PDE5A: variants seen among roughly 807,000 people sequenced by gnomAD.
The protein encoded by PDE5A is phosphodiesterase 5A, also known as cGMP-specific 3',5'-cyclic phosphodiesterase.
Under a neutral mutation model 110.2 loss-of-function variants are expected in PDE5A, and 67 were observed. The observed-to-expected ratio is 0.61, with a 90% confidence interval of 0.50 to 0.75. The LOEUF (loss-of-function observed/expected upper bound fraction) is 0.75. PDE5A is among the 30% of genes least tolerant of loss of function. PDE5A has a pLI of 0.00. For missense variants in PDE5A, 862 were observed against 1,045.1 expected (o/e 0.82, Z 2.42); for synonymous variants, 328 against 351.2 (o/e 0.93, Z 0.74).
At chr4:119,578,583 G>T (rs1728468535) in intron 3 of PDE5A, among the ~76,000 whole-genome samples, 1 of 152,144 alleles carries the variant, frequency 6.6e-6, no homozygotes, top group Non-Finnish European at 1.5e-5. Flanking sequence ...AACAAGCAAT[G>T]GGGAAATGAT....
Position 119,617,390 on chromosome 4 carries a change from ACG to A in PDE5A, c.153-10095_153-10094del, listed in dbSNP as rs143209479. 3.1e-3 allele frequency among the ~76,000 whole-genome samples: 477 copies of A among 152,256 alleles called. 2 individuals are homozygous for A. Among genetic ancestry groups the A allele is most frequent in the African/African-American group, 0.011 (448 of 41,564 alleles). ...GGGACACACACACACACACGCACAC[ACG>A]TGTCTGTGTCCGAAGGGTCTCCCTG... On this transcript the variant is annotated intron_variant, in intron 1 of 20. Coordinates refer to ENST00000354960, the MANE Select transcript of PDE5A (RefSeq NM_001083.4).
At chr4:119,574,676 G>C (rs541803885) in intron 3 of PDE5A, among the ~76,000 whole-genome samples, 4 of 152,176 alleles carry the variant, frequency 2.6e-5, no homozygotes, top group South Asian at 4.1e-4. Flanking sequence ...GCTGCTAAAA[G>C]CTGGTTTCTT....
chr4:119,577,770 C>G lies in PDE5A; in HGVS notation c.832-10626G>C, dbSNP rs1011236766. Among the ~76,000 whole-genome samples the G allele has an allele frequency of 2.2e-4, 34 of 152,284 alleles. 1 individual carries two copies. Among genetic ancestry groups the G allele is most frequent in the African/African-American group, 7.9e-4 (33 of 41,558 alleles). ...AAACTGAAAGCATTCCCTTTGAAAA[C>G]TGGCACAAGACAGGGATGCCCTCTC... On this transcript the variant is annotated intron_variant, in intron 3 of 20. Coordinates refer to ENST00000354960, the MANE Select transcript of PDE5A (RefSeq NM_001083.4).
At chr4:119,532,145 C>G (rs1326765291) in intron 11 of PDE5A, among the ~76,000 whole-genome samples, 2 of 152,046 alleles carry the variant, frequency 1.3e-5, no homozygotes, top group Non-Finnish European at 2.9e-5. Flanking sequence ...AGATTATAGG[C>G]TTTCTAAAAG....
chr4:119,535,470 A>G (rs574929294), intron 11 of PDE5A, among the ~76,000 whole-genome samples: 14 of 152,164 alleles, frequency 9.2e-5, no homozygotes, highest in Non-Finnish European at 1.5e-4. Flanking sequence ...CTGTCAATCA[A>G]TGAATCAAAT....
At chr4:119,573,451 T>C in intron 3 of PDE5A, among the ~76,000 whole-genome samples, 1 of 152,238 alleles carries the variant, frequency 6.6e-6, no homozygotes, top group East Asian at 1.9e-4. Context: ...AACATCTTTT[T>C]TATTGTTATT....
chr4:119,542,645 C>T lies in PDE5A; in HGVS notation c.1397-11G>A. On this transcript the variant is annotated splice_polypyrimidine_tract_variant and intron_variant, in intron 9 of 20. Transcript: ENST00000354960. Reference sequence around the variant, plus strand: ...CAAGTTGGCAAACCCCTATAACAATCCGAGAAATTGAGCAAATGTTATTGT... The same window carrying T: ...CAAGTTGGCAAACCCCTATAACAATTCGAGAAATTGAGCAAATGTTATTGT... 12 of 1,607,406 alleles carry T rather than the reference C, an allele frequency of 7.5e-6. No homozygotes were observed. Among genetic ancestry groups the T allele is most frequent in the Non-Finnish European group, 9.4e-6 (11 of 1,174,866 alleles).
intron 14 of PDE5A, among the ~76,000 whole-genome samples, chr4:119,516,649 C>T (rs1415324830): frequency 3.3e-5 from 5 of 152,000 alleles, no homozygotes; most frequent in African/African-American, 7.2e-5. Context: ...GATAGAGTCT[C>T]GCTCTGCTGC....
At chr4:119,514,632 G>C (rs1279060236) in intron 14 of PDE5A, among the ~76,000 whole-genome samples, 1 of 151,940 alleles carries the variant, frequency 6.6e-6, no homozygotes, top group Non-Finnish European at 1.5e-5. Flanking sequence ...ACAGGGCTCC[G>C]CTTCTTTGTT....
rs1368974966 is a variant in PDE5A at position 119,598,215 on chromosome 4, G to C, written c.742-1603C>G. Among the ~76,000 whole-genome samples the C allele has an allele frequency of 2.0e-5, 3 of 152,092 alleles. 1 individual carries two copies. The highest frequency in any genetic ancestry group is 7.2e-5 in the African/African-American group (3 of 41,416). On this transcript the variant is annotated intron_variant, in intron 2 of 20. Coordinates refer to ENST00000354960, the MANE Select transcript of PDE5A (RefSeq NM_001083.4). Reference sequence around the variant, plus strand: ...GACTTAACCCAACTACCTAATCAAAGCAGTAGAGTTTGACAGATTAAATTT... The same window carrying C: ...GACTTAACCCAACTACCTAATCAAACCAGTAGAGTTTGACAGATTAAATTT...
intron 10 of PDE5A, chr4:119,541,612 A>C (rs925177309): frequency 6.6e-6 from 1 of 152,120 alleles, no homozygotes; most frequent in African/African-American, 2.4e-5. Context: ...AAGGTTAGTT[A>C]TGTACTTAAG....
chr4:119,542,711 A>C, intron 9 of PDE5A, 77 bp from the exon 10 acceptor site: 1 of 1,272,632 alleles, frequency 7.9e-7, no homozygotes, highest in Non-Finnish European at 1.1e-6. Flanking sequence ...AACACACCCA[A>C]AGATTGTCTT....
At chr4:119,599,712 T>TATAC (rs1729272510) in intron 2 of PDE5A, among the ~76,000 whole-genome samples, 1 of 147,348 alleles carries the variant, frequency 6.8e-6, no homozygotes, top group East Asian at 2.0e-4. Context: ...CAAGTGTGTA[T>TATAC]ACACACACAC....
rs1729558597 is a variant in PDE5A, at chr4:119,607,003, G to A, written c.447C>T (p.Cys149=). 6.2e-7 allele frequency: 1 copy of A among 1,614,214 alleles called. No homozygotes were observed. The highest frequency in any genetic ancestry group is 8.5e-7 in the Non-Finnish European group (1 of 1,180,038). The change falls in exon 2 of 21, where the codon TGC becomes TGT. Residue 149 remains cysteine (C), a synonymous_variant. Coordinates refer to ENST00000354960, the MANE Select transcript of PDE5A (RefSeq NM_001083.4). ...PRFDHDEGDQ[C]SRLLELVKDI... ...CCTTCACTAATTCCAAGAGTCTTGAGCACTGGTCCCCTTCATCATGATCAA... is the reference window on the plus strand; with the variant it reads ...CCTTCACTAATTCCAAGAGTCTTGAACACTGGTCCCCTTCATCATGATCAA...
chr4:119,545,663 G>A (rs1727106270), intron 9 of PDE5A, among the ~76,000 whole-genome samples: 1 of 152,146 alleles, frequency 6.6e-6, no homozygotes, highest in African/African-American at 2.4e-5. Flanking sequence ...ATGCTGAAGG[G>A]ACTAGATGGC....
rs1031552468 is a variant in PDE5A at position 119,627,540 on chromosome 4, T to C, written c.152+980A>G. 1 of 153,006 alleles carries C rather than the reference T, an allele frequency of 6.5e-6. No individual in the cohort carries two copies. The highest frequency in any genetic ancestry group is 2.4e-5 in the African/African-American group (1 of 41,474). The allele number at this position is 153,006 out of a possible 1,614,324, so 9.5% of individuals were successfully genotyped here. On this transcript the variant is annotated intron_variant, in intron 1 of 20. Coordinates refer to ENST00000354960, the MANE Select transcript of PDE5A (RefSeq NM_001083.4). This position sits in a 1 kb window ranked among gnomAD's most constrained non-coding sequence, Gnocchi z 4.6. ...GCGGCAGCGGGGCACGGACTCTTTC[T>C]GCAAAGGGGCGCGTCCTGGAGTCCA...
chr4:119,564,889 G>A (rs1054250257), intron 5 of PDE5A, among the ~76,000 whole-genome samples: 2 of 152,090 alleles, frequency 1.3e-5, no homozygotes, highest in African/African-American at 4.8e-5. Flanking sequence ...CAGGGCTAAG[G>A]AGCGGTAGTT....
chr4:119,623,540 C>T (rs993746746), intron 1 of PDE5A, among the ~76,000 whole-genome samples: 1 of 152,198 alleles, frequency 6.6e-6, no homozygotes, highest in Non-Finnish European at 1.5e-5. Flanking sequence ...AAGTAGGACA[C>T]ACTCCCTATA....
intron 14 of PDE5A, among the ~76,000 whole-genome samples, chr4:119,514,480 CT>C (rs34847681): frequency 0.21 from 30,681 of 146,082 alleles, 3,209 homozygotes; most frequent in African/African-American, 0.32. Flanking sequence ...CCCAATCAAC[CT>C]TTTTTTTTTT....
Sources: allele counts gnomAD v4.1 joint callset (sites outside exome capture counted in the v4.1 genomes callset), GRCh38; gene constraint gnomAD v4.1.1; non-coding constraint Gnocchi (gnomAD v3.1); transcripts MANE v1.5; gene names NCBI Gene and HGNC (gene_info 2026-07-23, HGNC 2026-07-21).